The following ITPR1 variants were observed in gnomAD, a reference collection of about 807,000 sequenced individuals.
ITPR1 encodes inositol 1,4,5-trisphosphate receptor type 1.
ITPR1 carries 96 observed loss-of-function variants against 318.4 expected under a neutral mutation model. That is an observed-to-expected ratio of 0.30 (90% confidence interval 0.26 to 0.36). The LOEUF is 0.36. ITPR1 is among the 10% of genes least tolerant of loss of function. The pLI is 1.00. For missense variants in ITPR1, 2,440 were observed against 3,460.2 expected, an observed-to-expected ratio of 0.71 and a Z score of 7.40; for synonymous variants, 1,312 against 1,289.9, an observed-to-expected ratio of 1.02 and a Z score of -0.37.
chr3:4,724,806 C>T (rs1172262927), intron 40 of ITPR1, among the ~76,000 whole-genome samples: 1 of 152,152 alleles, frequency 6.6e-6, no homozygotes, highest in Non-Finnish European at 1.5e-5. Flanking sequence ...TTTTGTTGCT[C>T]ATCCATGGGC....
chr3:4,558,203 C>G (rs1215394073), intron 4 of ITPR1, among the ~76,000 whole-genome samples: 2 of 151,964 alleles, frequency 1.3e-5, no homozygotes, highest in Non-Finnish European at 2.9e-5. Context: ...ATACAGCTAC[C>G]CAATAGAATG....
intron 36 of ITPR1, 35 bp from the exon 37 acceptor site, chr3:4,706,132 G>A: frequency 6.2e-7 from 1 of 1,613,288 alleles, no homozygotes; most frequent in South Asian, 1.1e-5. Context: ...CCCCATAAAA[G>A]TTGTAGGCTC....
intron 52 of ITPR1, 184 bp from the exon 53 acceptor site, chr3:4,794,881 G>C: frequency 1.6e-6 from 1 of 618,780 alleles, no homozygotes; most frequent in Non-Finnish European, 2.6e-6. Flanking sequence ...ACTCCACACA[G>C]AAATAAACCA....
At chr3:4,610,030 G>A (rs1402892040) in intron 4 of ITPR1, among the ~76,000 whole-genome samples, 1 of 152,148 alleles carries the variant, frequency 6.6e-6, no homozygotes, top group Admixed American at 6.5e-5. Flanking sequence ...ATGGTGGGCT[G>A]TATCAAGAAG....
intron 16 of ITPR1, among the ~76,000 whole-genome samples, chr3:4,663,999 T>G (rs1220811040): frequency 1.3e-5 from 2 of 152,212 alleles, no homozygotes; most frequent in Non-Finnish European, 2.9e-5. Context: ...TCAATTGATT[T>G]TTAGCGTACT....
chr3:4,763,968 G>C (rs758542765), intron 44 of ITPR1, among the ~76,000 whole-genome samples: 8 of 152,208 alleles, frequency 5.3e-5, no homozygotes, highest in Non-Finnish European at 7.3e-5. Context: ...GTCCCAAAAT[G>C]CTTTTAAAGC....
chr3:4,776,538 C>T (rs1345646085), intron 47 of ITPR1, among the ~76,000 whole-genome samples: 2 of 152,152 alleles, frequency 1.3e-5, no homozygotes, highest in Non-Finnish European at 2.9e-5. Context: ...AACTCATTGT[C>T]TATTAAAAAC....
chr3:4,553,286 A>G (rs1204208531), intron 4 of ITPR1, among the ~76,000 whole-genome samples: 1 of 152,116 alleles, frequency 6.6e-6, no homozygotes, highest in African/African-American at 2.4e-5. Flanking sequence ...GAATTACAGG[A>G]CCAAAGACAC....
rs542700443 is a variant in ITPR1 at position 4,833,216 on chromosome 3, G to A, written c.8029-3558G>A. 2.0e-5 allele frequency among the ~76,000 whole-genome samples: 3 copies of A among 152,316 alleles called. No individual in the cohort carries two copies. In the South Asian group the frequency reaches 6.2e-4, roughly 32 times the overall value. ...AAATCATTGCCTAGAGGGCCAGGAG[G>A]TACATATGGCATGAAAGAAGGTGAG... is the stretch of plus-strand genomic sequence containing the variant. On this transcript the variant is annotated intron_variant, in intron 60 of 61. Transcript: ENST00000649015.
intron 35 of ITPR1, among the ~76,000 whole-genome samples, chr3:4,700,656 G>T (rs1226831472): frequency 6.6e-6 from 1 of 152,168 alleles, no homozygotes; most frequent in Non-Finnish European, 1.5e-5. Flanking sequence ...AAAAGCAGAT[G>T]GTGAGCCATC....
At chr3:4,535,592 G>A (rs937365412) in intron 4 of ITPR1, among the ~76,000 whole-genome samples, 1 of 151,524 alleles carries the variant, frequency 6.6e-6, no homozygotes, top group Non-Finnish European at 1.5e-5. Context: ...ACAGGTGCCT[G>A]CCACCACGCC....
intron 12 of ITPR1, among the ~76,000 whole-genome samples, chr3:4,656,049 G>A (rs886328684): frequency 6.6e-6 from 1 of 152,138 alleles, no homozygotes; most frequent in South Asian, 2.1e-4. Context: ...TGTTGTGCTC[G>A]TCCTTCTAAA....
chr3:4,531,409 C>T (rs1478389485), intron 4 of ITPR1, among the ~76,000 whole-genome samples: 2 of 152,208 alleles, frequency 1.3e-5, no homozygotes, highest in East Asian at 3.8e-4. Flanking sequence ...TCCACCTTTG[C>T]CTCCTTTGTG....
intron 44 of ITPR1, among the ~76,000 whole-genome samples, chr3:4,754,028 G>A (rs944502684): frequency 1.5e-5 from 2 of 131,612 alleles, no homozygotes; most frequent in Admixed American, 1.6e-4. Context: ...TGAGCCGTGT[G>A]ACTGCACAAA....
intron 30 of ITPR1, among the ~76,000 whole-genome samples, chr3:4,687,312 G>A (rs753882401): frequency 1.3e-5 from 2 of 152,200 alleles, no homozygotes; most frequent in Non-Finnish European, 2.9e-5. Flanking sequence ...CATTTACAGA[G>A]TAATCACTGT....
At chr3:4,538,162 C>G (rs2084054066) in intron 4 of ITPR1, among the ~76,000 whole-genome samples, 1 of 151,962 alleles carries the variant, frequency 6.6e-6, no homozygotes, top group African/African-American at 2.4e-5. Flanking sequence ...TCTATAAATT[C>G]CCTTAAAATA....
chr3:4,591,651 C>T (rs2090406313), intron 4 of ITPR1, among the ~76,000 whole-genome samples: 2 of 152,186 alleles, frequency 1.3e-5, no homozygotes, highest in South Asian at 4.1e-4. Context: ...AGATCTTTGC[C>T]TTGAATTGGT....
intron 17 of ITPR1, 103 bp downstream of exon 17, chr3:4,665,399 A>T (rs2093924768): frequency 5.5e-6 from 6 of 1,088,720 alleles, no homozygotes; most frequent in Non-Finnish European, 5.3e-6. Context: ...TATAGAATGG[A>T]TGCAGAATAG....
intron 42 of ITPR1, among the ~76,000 whole-genome samples, chr3:4,730,595 C>G (rs2042860035): frequency 6.6e-6 from 1 of 152,004 alleles, no homozygotes; most frequent in African/African-American, 2.4e-5. Context: ...ATGTGGAGTT[C>G]CTGTTCCTGG....
Sources: allele counts gnomAD v4.1 joint callset (sites outside exome capture counted in the v4.1 genomes callset), GRCh38; gene constraint gnomAD v4.1.1; transcripts MANE v1.5; gene names NCBI Gene and HGNC (gene_info 2026-07-23, HGNC 2026-07-21).